PTDSS1: variants seen among roughly 807,000 people sequenced by gnomAD.
PTDSS1 encodes phosphatidylserine synthase 1, also known as PSS-1.
A neutral mutation model predicts 70.5 loss-of-function variants in PTDSS1; 45 were observed. The observed-to-expected ratio is 0.64, with a 90% confidence interval of 0.50 to 0.82. The LOEUF is 0.82. Ranked by LOEUF, PTDSS1 falls within the 40% of genes least tolerant of loss-of-function variation. PTDSS1 has a pLI of 0.00. For synonymous variants in PTDSS1, 188 were observed against 203.8 expected (o/e 0.92, Z 0.66); for missense variants, 417 against 586.1 (o/e 0.71, Z 2.98).
intron 4 of PTDSS1, among the ~76,000 whole-genome samples, chr8:96,291,897 A>G (rs1810912577): frequency 6.6e-6 from 1 of 152,178 alleles, no homozygotes; most frequent in African/African-American, 2.4e-5. Flanking sequence ...CTCGCTTTTT[A>G]TAATGTTAAG....
At chr8:96,283,282 T>C (rs1010575989) in intron 2 of PTDSS1, among the ~76,000 whole-genome samples, 1 of 152,174 alleles carries the variant, frequency 6.6e-6, no homozygotes, top group Non-Finnish European at 1.5e-5. Context: ...ATTCCGCAAG[T>C]GTAGGAAGGC....
chr8:96,281,630 T>C (rs1254273030), intron 2 of PTDSS1, among the ~76,000 whole-genome samples: 4 of 152,066 alleles, frequency 2.6e-5, no homozygotes, highest in South Asian at 2.1e-4. Flanking sequence ...CTCTAAACAC[T>C]CCTAGCTTGT....
chr8:96,262,029 G>A lies in PTDSS1; in HGVS notation c.-12G>A, dbSNP rs750988837. ...GGGCCGCCGCCACCGCGGCAGGACG[G>A]GGAGGCGGGCCATGGCGTCCTGCGT... On this transcript the variant is annotated 5_prime_UTR_variant, in exon 1 of 13. Transcript: ENST00000517309. The surrounding 1 kb of genome is among the most constrained non-coding windows in gnomAD (Gnocchi z 4.4). 6 of 1,609,192 alleles carry A rather than the reference G, an allele frequency of 3.7e-6. No homozygotes were observed. In the East Asian group the frequency reaches 8.9e-5, roughly 24 times the overall value.
chr8:96,302,686 A>G (rs1443640779), intron 6 of PTDSS1, among the ~76,000 whole-genome samples: 1 of 152,026 alleles, frequency 6.6e-6, no homozygotes, highest in Non-Finnish European at 1.5e-5. Context: ...GGTTCAAGTG[A>G]TTCTCCTGCC....
chr8:96,277,743 G>GT (rs199911468), intron 2 of PTDSS1, among the ~76,000 whole-genome samples: 2,525 of 152,336 alleles, frequency 0.017, 37 homozygotes, highest in Non-Finnish European at 0.024. Context: ...GTTCATGTAT[G>GT]TTATCTATGT....
intron 4 of PTDSS1, among the ~76,000 whole-genome samples, chr8:96,287,584 T>G (rs546588874): frequency 1.3e-3 from 199 of 152,038 alleles, no homozygotes; most frequent in African/African-American, 4.5e-3. Context: ...CCCATGTTGT[T>G]GGGCCATGCC....
chr8:96,328,581 G>A (rs982969576), intron 10 of PTDSS1, among the ~76,000 whole-genome samples: 2 of 152,172 alleles, frequency 1.3e-5, no homozygotes, highest in Non-Finnish European at 2.9e-5. Flanking sequence ...AACCAGTGGC[G>A]CTGCTTGTGC....
At chr8:96,274,198 G>C (rs1412955442) in intron 2 of PTDSS1, among the ~76,000 whole-genome samples, 1 of 151,298 alleles carries the variant, frequency 6.6e-6, no homozygotes, top group Non-Finnish European at 1.5e-5. Flanking sequence ...CTTTCTTAGG[G>C]GTTATTCTCC....
At chr8:96,322,272 G>A (rs557978672) in intron 10 of PTDSS1, among the ~76,000 whole-genome samples, 1 of 152,302 alleles carries the variant, frequency 6.6e-6, no homozygotes, top group East Asian at 1.9e-4. Flanking sequence ...TGCTATAACA[G>A]AATACCATGG....
chr8:96,324,392 C>A (rs1811411066), intron 10 of PTDSS1, among the ~76,000 whole-genome samples: 1 of 152,184 alleles, frequency 6.6e-6, no homozygotes, highest in Admixed American at 6.5e-5. Flanking sequence ...ATAGTAACCA[C>A]CCCACTTTTT....
chr8:96,282,065 T>C (rs1293575765), intron 2 of PTDSS1, among the ~76,000 whole-genome samples: 1 of 152,174 alleles, frequency 6.6e-6, no homozygotes, highest in Admixed American at 6.5e-5. Context: ...TAATAGGTCA[T>C]ACAGTTTTAG....
intron 12 of PTDSS1, among the ~76,000 whole-genome samples, chr8:96,331,855 C>A (rs1279423611): frequency 6.6e-6 from 1 of 151,926 alleles, no homozygotes; most frequent in East Asian, 1.9e-4. Context: ...TTGAGACCAG[C>A]ATGGGCAACA....
chr8:96,274,280 T>G (rs949652074), intron 2 of PTDSS1, among the ~76,000 whole-genome samples: 1 of 152,202 alleles, frequency 6.6e-6, no homozygotes, highest in Non-Finnish European at 1.5e-5. Context: ...CTCATGCTAT[T>G]CAGTAGGCTA....
chr8:96,307,067 T>A (rs935395113), intron 8 of PTDSS1, among the ~76,000 whole-genome samples: 4 of 152,196 alleles, frequency 2.6e-5, no homozygotes, highest in Non-Finnish European at 5.9e-5. Flanking sequence ...CCCGCCATTA[T>A]TCCCCTGGAT....
chr8:96,295,372 A>T (rs1810961158), intron 5 of PTDSS1, 116 bp downstream of exon 5: 1 of 1,166,074 alleles, frequency 8.6e-7, no homozygotes, highest in Admixed American at 3.6e-5. Context: ...TGTGGTACAA[A>T]ACAGTATTTA....
At position 96,333,941 on chromosome 8, in the gene PTDSS1, A is replaced by G; in HGVS notation, c.*375A>G. ...TTCCTTCAGACGAGGCATTAACCCCATGGTTAATGGACTGGTCACCAGTTT... is the reference window on the plus strand; with the variant it reads ...TTCCTTCAGACGAGGCATTAACCCCGTGGTTAATGGACTGGTCACCAGTTT... On this transcript the variant is annotated 3_prime_UTR_variant, in exon 13 of 13. Transcript: ENST00000517309. 1.8e-6 allele frequency: 1 copy of G among 563,992 alleles called. No homozygotes were observed. The highest frequency in any genetic ancestry group is 3.1e-6 in the Non-Finnish European group (1 of 317,684). The allele number at this position is 563,992 out of a possible 1,614,324, so 34.9% of individuals were successfully genotyped here. A position where few individuals can be genotyped will look rare whatever the true frequency, so the allele number is the denominator to read the frequency against.
At chr8:96,327,601 A>C (rs1231244141) in intron 10 of PTDSS1, among the ~76,000 whole-genome samples, 1 of 152,158 alleles carries the variant, frequency 6.6e-6, no homozygotes, top group Admixed American at 6.5e-5. Context: ...CAAAGCCCCT[A>C]ATTACTCCCC....
chr8:96,294,767 G>A (rs1810951815), intron 4 of PTDSS1, among the ~76,000 whole-genome samples: 1 of 152,132 alleles, frequency 6.6e-6, no homozygotes, highest in Admixed American at 6.5e-5. Context: ...TTGTGCTTTA[G>A]TTACTGGCTT....
chr8:96,298,964 C>T (rs918099172), intron 5 of PTDSS1, among the ~76,000 whole-genome samples: 3 of 151,292 alleles, frequency 2.0e-5, no homozygotes, highest in African/African-American at 4.9e-5. Flanking sequence ...TGCTTGAACC[C>T]GGGAGGCAGA....
Sources: gnomAD v4.1 joint callset for allele counts (sites outside exome capture counted in the v4.1 genomes callset) on GRCh38, gnomAD v4.1.1 for gene constraint, Gnocchi (gnomAD v3.1) non-coding constraint, MANE v1.5 for transcripts, NCBI Gene and HGNC (gene_info 2026-07-23, HGNC 2026-07-21) for gene names.